SIK2: variants seen among roughly 807,000 people sequenced by gnomAD.
SIK2 encodes the protein salt inducible kinase 2, also known as serine/threonine-protein kinase SIK2.
In SIK2, 29 loss-of-function variants were observed where a neutral mutation model predicts 103.2. The observed-to-expected ratio is 0.28, with a 90% CI of 0.21 to 0.38. SIK2 has a LOEUF of 0.38. Ranked by LOEUF, SIK2 falls within the 10% of genes least tolerant of loss-of-function variation. The pLI is 1.00. For missense variants in SIK2, 879 were observed against 1,171.0 expected (o/e 0.75, Z 3.64); for synonymous variants, 412 against 446.1 (o/e 0.92, Z 0.96).
intron 3 of SIK2, among the ~76,000 whole-genome samples, chr11:111,670,156 C>T (rs977618732): frequency 5.3e-5 from 8 of 152,312 alleles, no homozygotes; most frequent in Admixed American, 2.6e-4. Context: ...ATCTCTCAAA[C>T]GGTGGGTTTG....
intron 2 of SIK2, among the ~76,000 whole-genome samples, chr11:111,618,001 A>G (rs2135837930): frequency 6.6e-6 from 1 of 152,138 alleles, no homozygotes; most frequent in East Asian, 1.9e-4. Flanking sequence ...CCTGGGCTCA[A>G]AGGATCCTCC....
intron 3 of SIK2, among the ~76,000 whole-genome samples, chr11:111,628,453 T>TC (rs58547600): frequency 7.5e-5 from 11 of 146,084 alleles, no homozygotes; most frequent in East Asian, 2.0e-4. Flanking sequence ...TTTCTTTCTT[T>TC]TTTGAGACAG....
At chr11:111,693,356 A>G (rs1239888302) in intron 4 of SIK2, among the ~76,000 whole-genome samples, 2 of 151,850 alleles carry the variant, frequency 1.3e-5, no homozygotes, top group Non-Finnish European at 1.5e-5. Context: ...AACTTGAGAC[A>G]CTAATGAGCC....
intron 9 of SIK2, 72 bp downstream of exon 9, chr11:111,712,447 ACTTTGG>A (rs1306650137): frequency 6.7e-7 from 1 of 1,488,480 alleles, no homozygotes; most frequent in East Asian, 2.4e-5. Context: ...CAAGTGTTGT[ACTTTGG>A]CTTTATTGAA....
chr11:111,689,865 G>C (rs1248290703), intron 4 of SIK2, among the ~76,000 whole-genome samples: 2 of 151,870 alleles, frequency 1.3e-5, no homozygotes, highest in South Asian at 2.1e-4. Flanking sequence ...TATGTTACAG[G>C]ATATGTAATG....
chr11:111,653,321 G>A (rs961735466), intron 3 of SIK2, among the ~76,000 whole-genome samples: 1 of 152,210 alleles, frequency 6.6e-6, no homozygotes, highest in Non-Finnish European at 1.5e-5. Flanking sequence ...TTTGATTGCT[G>A]TCATTTATGG....
At chr11:111,653,466 A>G (rs1488111621) in intron 3 of SIK2, among the ~76,000 whole-genome samples, 2 of 152,182 alleles carry the variant, frequency 1.3e-5, no homozygotes, top group Admixed American at 1.3e-4. Context: ...CTTCCAACAG[A>G]AGGCAAGAAA....
chr11:111,643,900 T>C (rs1942216824), intron 3 of SIK2, among the ~76,000 whole-genome samples: 2 of 152,030 alleles, frequency 1.3e-5, no homozygotes, highest in African/African-American at 2.4e-5. Context: ...GGAGGATCAC[T>C]TGAGCCCAGG....
intron 1 of SIK2, among the ~76,000 whole-genome samples, chr11:111,613,825 A>T (rs1285082941): frequency 6.6e-6 from 1 of 152,164 alleles, no homozygotes; most frequent in African/African-American, 2.4e-5. Flanking sequence ...CATTATGTTT[A>T]GTAATCGGAT....
At position 111,723,933 on chromosome 11, in the gene SIK2, C is replaced by T. The variant is rs1282156162; in HGVS notation, c.2585C>T (p.Pro862Leu). ...GCTGCTTCCCCTGCGCCAGACTATCCCACTCCCTGTCAGTATCCTGTGGAT... is the reference window on the plus strand; with the variant it reads ...GCTGCTTCCCCTGCGCCAGACTATCTCACTCCCTGTCAGTATCCTGTGGAT... The part of the protein sequence containing the change: ...PSAASPAPDY[P>L]TPCQYPVDGA... Residue 862 changes from proline (P) to leucine (L), a missense_variant, in exon 15 of 15, where the codon CCC (proline) becomes CTC (leucine). Physicochemically the swap from Pro to Leu is moderately conservative, Grantham distance 98. Transcript: ENST00000304987. 3.7e-6 allele frequency: 6 copies of T among 1,613,876 alleles called. No individual in the cohort carries two copies. Among genetic ancestry groups the T allele is most frequent in the Non-Finnish European group, 5.1e-6 (6 of 1,179,956 alleles).
rs1304828571 is a variant in SIK2, at chr11:111,630,226, T to A, written c.316+9824T>A. ...GTAAAAGAAGCTGGACACAAAAGAG[T>A]ACAGATTATATATGGTTCTATTTAC... On this transcript the variant is annotated intron_variant, in intron 3 of 14. Coordinates refer to ENST00000304987, the MANE Select transcript of SIK2 (RefSeq NM_015191.3). 2.6e-5 allele frequency among the ~76,000 whole-genome samples: 4 copies of A among 151,962 alleles called. No individual in the cohort carries two copies. The East Asian group carries it at 7.7e-4, about 29-fold the overall frequency.
rs968049549 is a variant in SIK2 at position 111,729,630 on chromosome 11, C to T, written c.*5501C>T. 2 of 152,256 alleles carry T rather than the reference C, an allele frequency of 1.3e-5. No homozygotes were observed. The highest frequency in any genetic ancestry group is 4.8e-5 in the African/African-American group (2 of 41,452). 9.4% of individuals were successfully genotyped at this position (152,256 alleles called of 1,614,324 possible). On this transcript the variant is annotated 3_prime_UTR_variant, in exon 15 of 15. Coordinates refer to ENST00000304987, the MANE Select transcript of SIK2 (RefSeq NM_015191.3). ...GCCCTCTCTTTCCCTTCTCTTTCCTCAGTAGCATCTGACTCTTTTCATAAG... is the reference window on the plus strand; with the variant it reads ...GCCCTCTCTTTCCCTTCTCTTTCCTTAGTAGCATCTGACTCTTTTCATAAG...
At chr11:111,704,305 C>T (rs960455819) in intron 7 of SIK2, among the ~76,000 whole-genome samples, 1 of 152,158 alleles carries the variant, frequency 6.6e-6, no homozygotes, top group Admixed American at 6.5e-5. Context: ...GCACCCATGC[C>T]GACTGTCAGG....
At chr11:111,605,516 C>T (rs1422596218) in intron 1 of SIK2, among the ~76,000 whole-genome samples, 1 of 152,122 alleles carries the variant, frequency 6.6e-6, no homozygotes, top group African/African-American at 2.4e-5. Flanking sequence ...CAAAATATCA[C>T]AATTATACTT....
Position 111,726,874 on chromosome 11 carries a change from T to G in SIK2, c.*2745T>G. The G allele has an allele frequency of 2.1e-4, 242 of 1,157,510 alleles. No individual in the cohort carries two copies. The highest frequency in any genetic ancestry group is 2.9e-4 in the Non-Finnish European group (227 of 788,174). The allele number at this position is 1,157,510 out of a possible 1,614,324, so 71.7% of individuals were successfully genotyped here. Reference sequence around the variant, plus strand: ...CCAGGCTCCTCTGAAGAGACTTTGGTGAGATGAACGTGAGGTAAAAATTTC... The same window carrying G: ...CCAGGCTCCTCTGAAGAGACTTTGGGGAGATGAACGTGAGGTAAAAATTTC... On this transcript the variant is annotated 3_prime_UTR_variant, in exon 15 of 15. Coordinates refer to ENST00000304987, the MANE Select transcript of SIK2 (RefSeq NM_015191.3).
chr11:111,720,803 G>A (rs1262891363), intron 11 of SIK2, 41 bp downstream of exon 11: 1 of 1,571,770 alleles, frequency 6.4e-7, no homozygotes, highest in Non-Finnish European at 8.6e-7. Flanking sequence ...TCGCGTCGTA[G>A]GAGAGCAGTT....
intron 3 of SIK2, among the ~76,000 whole-genome samples, chr11:111,648,545 G>A (rs1054120317): frequency 5.3e-5 from 8 of 151,842 alleles, no homozygotes; most frequent in Non-Finnish European, 2.9e-5. Context: ...AGATTTCAAC[G>A]TATTAATTTT....
chr11:111,681,699 GAAT>G (rs1451911111), intron 3 of SIK2, among the ~76,000 whole-genome samples: 2 of 151,982 alleles, frequency 1.3e-5, no homozygotes, highest in Non-Finnish European at 2.9e-5. Context: ...GTTTTTTTCA[GAAT>G]AATAACTCTA....
chr11:111,637,537 G>A (rs1206448626), intron 3 of SIK2, among the ~76,000 whole-genome samples: 1 of 140,084 alleles, frequency 7.1e-6, no homozygotes, highest in African/African-American at 2.7e-5. Context: ...TTGGCTCATT[G>A]CAACCTCTGC....
Sources: allele counts gnomAD v4.1 joint callset (sites outside exome capture counted in the v4.1 genomes callset), GRCh38; gene constraint gnomAD v4.1.1; transcripts MANE v1.5; gene names NCBI Gene and HGNC (gene_info 2026-07-23, HGNC 2026-07-21).